Variants in MX1 observed in about 807,000 individuals in gnomAD.
MX1 encodes interferon-induced GTP-binding protein Mx1.
A neutral mutation model predicts 66.4 loss-of-function variants in MX1; 66 were observed. The ratio of observed to expected loss-of-function variants is 0.99; its 90% CI spans 0.82 to 1.22. MX1 has a LOEUF of 1.22. Ranked by LOEUF, MX1 falls within the 50% of genes most tolerant of loss-of-function variation. The pLI is 0.00. For synonymous variants in MX1, 311 were observed against 318.1 expected, an observed-to-expected ratio of 0.98 and a Z score of 0.24; for missense variants, 787 against 834.3, an observed-to-expected ratio of 0.94 and a Z score of 0.70.
intron 13 of MX1, among the ~76,000 whole-genome samples, chr21:41,448,451 A>T (rs1018484886): frequency 1.5e-4 from 23 of 152,172 alleles, no homozygotes; most frequent in African/African-American, 5.3e-4. Flanking sequence ...GTATTATGGT[A>T]CAATTTCTTT....
At chr21:41,424,848 G>A (rs1367688138), upstream of MX1, among the ~76,000 whole-genome samples, 4 of 152,222 alleles carry the variant, frequency 2.6e-5, no homozygotes, top group East Asian at 7.7e-4. Flanking sequence ...AAAGAAAGCA[G>A]CTAGCTTATA....
Position 41,435,866 on chromosome 21 carries a change from T to C in MX1, c.135T>C (p.Tyr45=), listed in dbSNP as rs145888574. 213 of 1,612,666 alleles carry C rather than the reference T, an allele frequency of 1.3e-4. 1 individual carries two copies. Among genetic ancestry groups the C allele is most frequent in the South Asian group, 6.4e-4 (58 of 91,068 alleles). The change falls in exon 6 of 17, where the codon TAT becomes TAC. Residue 45 remains tyrosine (Y), a synonymous_variant. Coordinates refer to ENST00000398598, the MANE Select transcript of MX1 (RefSeq NM_002462.5). ...CTGAGAACAACCTGTGCAGCCAGTA[T>C]GAGGAGAAGGTGCGCCCCTGCATCG... The part of the protein sequence containing the change: ...SVAENNLCSQ[Y]EEKVRPCIDL...
rs996757352 is a variant in MX1, at chr21:41,427,798, G to A, written c.-166G>A. The A allele has an allele frequency of 3.3e-5, 5 of 152,252 alleles. No individual in the cohort carries two copies. Among genetic ancestry groups the A allele is most frequent in the Non-Finnish European group, 7.3e-5 (5 of 68,082 alleles). The allele number at this position is 152,252 out of a possible 1,614,324, so 9.4% of individuals were successfully genotyped here. ...GCGAGGAGATCGGTTCTGGGTCGGA[G>A]GCTACAGGAAGACTCCCACTCCCTG... On this transcript the variant is annotated 5_prime_UTR_variant, in exon 3 of 17. Coordinates refer to ENST00000398598, the MANE Select transcript of MX1 (RefSeq NM_002462.5).
Position 41,441,672 on chromosome 21 carries a change from T to C in MX1, c.731-44T>C. 6.2e-7 allele frequency: 1 copy of C among 1,606,544 alleles called. No individual in the cohort carries two copies. The highest frequency in any genetic ancestry group is 1.3e-5 in the African/African-American group (1 of 74,888). ...GAGCAGTTGTTCGTTCACCTCTGCC[T>C]CGTGACTGAGCACGTTCTCTCCCCA... On this transcript the variant is annotated intron_variant, in intron 9 of 16. Coordinates refer to ENST00000398598, the MANE Select transcript of MX1 (RefSeq NM_002462.5). The surrounding 1 kb of genome is among the most constrained non-coding windows in gnomAD (Gnocchi z 4.0).
rs1200287046 is a variant in MX1, at chr21:41,441,111, C to T, written c.730+86C>T. On this transcript the variant is annotated intron_variant, in intron 9 of 16. Transcript: ENST00000398598. This position sits in a 1 kb window ranked among gnomAD's most constrained non-coding sequence, Gnocchi z 4.0. ...GAGAATGGGGGAGCCCACCTGTGCT[C>T]GGTGAGAATGGGGGAGCCCGCCTGT... 7 of 1,234,220 alleles carry T rather than the reference C, an allele frequency of 5.7e-6. No homozygotes were observed. Among genetic ancestry groups the T allele is most frequent in the Admixed American group, 2.4e-5 (1 of 42,388 alleles). 76.5% of individuals were successfully genotyped at this position (1,234,220 alleles called of 1,614,324 possible). A position where few individuals can be genotyped will look rare whatever the true frequency, so the allele number is the denominator to read the frequency against.
upstream of MX1, among the ~76,000 whole-genome samples, chr21:41,424,422 C>T (rs372180350): frequency 2.6e-5 from 4 of 152,208 alleles, no homozygotes; most frequent in African/African-American, 9.7e-5. Flanking sequence ...GCTCCTCCCC[C>T]TCTTGTAGGT....
chr21:41,447,022 T>G (rs364043), intron 13 of MX1, among the ~76,000 whole-genome samples: 79,991 of 152,056 alleles, frequency 0.53, 21,631 homozygotes, highest in Non-Finnish European at 0.6. Context: ...ACCAACTGGC[T>G]TGTGTCTGTG....
At chr21:41,422,298 T>G (rs181838170), upstream of MX1, among the ~76,000 whole-genome samples, 1 of 152,342 alleles carries the variant, frequency 6.6e-6, no homozygotes, top group Admixed American at 6.5e-5. Flanking sequence ...CATGGCAATG[T>G]CAGGAAGTTA....
In MX1 at chr21:41,452,880, G is replaced by T; in HGVS notation, c.1758+11G>T. On this transcript the variant is annotated intron_variant, in intron 16 of 16. Coordinates refer to ENST00000398598, the MANE Select transcript of MX1 (RefSeq NM_002462.5). ...ATGGCCTATCACCAGGTACGTCTTC[G>T]CGTGGTTCAGGATGCCAGCTTCCAT... 6.2e-7 allele frequency: 1 copy of T among 1,613,026 alleles called. No individual in the cohort carries two copies. The highest frequency in any genetic ancestry group is 8.5e-7 in the Non-Finnish European group (1 of 1,179,444).
At chr21:41,456,903 A>T (rs1374173940) in intron 16 of MX1, among the ~76,000 whole-genome samples, 1 of 152,160 alleles carries the variant, frequency 6.6e-6, no homozygotes, top group Non-Finnish European at 1.5e-5. Flanking sequence ...CTGGGACTAC[A>T]GGCACGTGCC....
At chr21:41,456,944 T>G (rs914385916) in intron 16 of MX1, among the ~76,000 whole-genome samples, 1 of 152,194 alleles carries the variant, frequency 6.6e-6, no homozygotes, top group Non-Finnish European at 1.5e-5. Context: ...GTTTTTTCAG[T>G]AGAGACGGGG....
At chr21:41,453,824 CAG>C (rs1176315659) in intron 16 of MX1, among the ~76,000 whole-genome samples, 1 of 152,074 alleles carries the variant, frequency 6.6e-6, no homozygotes, top group Non-Finnish European at 1.5e-5. Context: ...TAGGTGGGTT[CAG>C]AGATTTTCTG....
At chr21:41,451,901 G>A (rs892628600) in intron 15 of MX1, among the ~76,000 whole-genome samples, 9 of 150,680 alleles carry the variant, frequency 6.0e-5, no homozygotes, top group Non-Finnish European at 1.3e-4. Context: ...TACAGGAAAT[G>A]AGCCTGGGGG....
rs2090656607 is a variant in MX1, at chr21:41,446,097, A to C, written c.1229A>C (p.Glu410Ala). ...DIRLFTRLRHEFHKWSTIIEN... is the reference protein window; with the variant it reads ...DIRLFTRLRHAFHKWSTIIEN... ...CGGCTGTTTACCAGACTCCGACACG[A>C]GTTCCACAAATGGAGTACAATAATT... The change falls in exon 13 of 17, where the codon GAG (glutamate) becomes GCG (alanine). Residue 410 changes from glutamate to alanine, a missense_variant. Physicochemically the swap from Glu to Ala is moderately radical, Grantham distance 107 (BLOSUM62 -1). Coordinates refer to ENST00000398598, the MANE Select transcript of MX1 (RefSeq NM_002462.5). The C allele has an allele frequency of 6.2e-7, 1 of 1,614,100 alleles. No individual in the cohort carries two copies. The highest frequency in any genetic ancestry group is 1.3e-5 in the African/African-American group (1 of 74,934).
chr21:41,438,412 G>A (rs879590935), intron 7 of MX1, among the ~76,000 whole-genome samples: 2 of 152,170 alleles, frequency 1.3e-5, no homozygotes, highest in African/African-American at 4.8e-5. Context: ...TAGCTGGGCT[G>A]GGGCTGATGG....
rs545466501 is a variant in MX1, at chr21:41,439,118, C to G, written c.437-576C>G. The stretch of plus-strand genomic sequence containing the variant: ...TATTTCCTAAGTTCTAAATTGATAT[C>G]AAACATCCCAAAAAGGCATTCTAGA... On this transcript the variant is annotated intron_variant, in intron 7 of 16. Coordinates refer to ENST00000398598, the MANE Select transcript of MX1 (RefSeq NM_002462.5). Among the ~76,000 whole-genome samples the G allele has an allele frequency of 3.3e-5, 5 of 150,990 alleles. No homozygotes were observed. The East Asian group carries it at 9.8e-4, about 29-fold the overall frequency.
intron 5 of MX1, among the ~76,000 whole-genome samples, chr21:41,434,036 ACCT>A (rs2146131693): frequency 1.3e-5 from 2 of 152,218 alleles, no homozygotes; most frequent in East Asian, 3.9e-4. Context: ...ATTTGGCTAA[ACCT>A]CCTACAATGT....
In MX1 at chr21:41,458,539, G is replaced by A. The variant is rs773210246; in HGVS notation, c.1770G>A (p.Lys590=). The A allele has an allele frequency of 6.4e-7, 1 of 1,563,908 alleles. No individual in the cohort carries two copies. Among genetic ancestry groups the A allele is most frequent in the East Asian group, 2.4e-5 (1 of 41,144 alleles). The change falls in exon 17 of 17, where the codon AAG becomes AAA. Residue 590 remains lysine, a synonymous_variant. Transcript: ENST00000398598. ...HLMAYHQEAS[K]RISSHIPLII... is the part of the protein sequence containing the mutation. ...TTCTTTCCTTCCAGGAGGCCAGCAA[G>A]CGCATCTCCAGCCACATCCCTTTGA...
Position 41,452,815 on chromosome 21 carries a change from G to A in MX1, c.1704G>A (p.Ser568=), listed in dbSNP as rs138132937. The A allele has an allele frequency of 1.4e-5, 22 of 1,614,150 alleles. 1 individual carries two copies. The highest frequency in any genetic ancestry group is 6.6e-5 in the South Asian group (6 of 91,078). The change falls in exon 16 of 17, where the codon TCG becomes TCA. Residue 568 remains serine, a synonymous_variant. Coordinates refer to ENST00000398598, the MANE Select transcript of MX1 (RefSeq NM_002462.5). ...SWDFGAFQSS[S]ATDSSMEEIF... Reference sequence around the variant, plus strand: ...ATTTTGGGGCTTTCCAGTCCAGCTCGGCAACAGACTCTTCCATGGAGGAGA... The same window carrying A: ...ATTTTGGGGCTTTCCAGTCCAGCTCAGCAACAGACTCTTCCATGGAGGAGA...
Sources: gnomAD v4.1 joint callset for allele counts (sites outside exome capture counted in the v4.1 genomes callset) on GRCh38, gnomAD v4.1.1 for gene constraint, Gnocchi (gnomAD v3.1) non-coding constraint, MANE v1.5 for transcripts, NCBI Gene and HGNC (gene_info 2026-07-23, HGNC 2026-07-21) for gene names.